LRRTM4: variants seen among roughly 807,000 people sequenced by gnomAD.
LRRTM4 encodes the protein leucine-rich repeat transmembrane neuronal protein 4.
A neutral mutation model predicts 47.6 loss-of-function variants in LRRTM4; 25 were observed. The observed-to-expected ratio is 0.53, with a 90% confidence interval of 0.38 to 0.73. LRRTM4 has a LOEUF of 0.73. LRRTM4 is among the 30% of genes least tolerant of loss of function. The probability of loss-of-function intolerance (pLI) is 0.00; values close to 1 mark genes in which losing one functional copy is unlikely to be tolerated. For synonymous variants in LRRTM4, 311 were observed against 269.5 expected (o/e 1.15, Z -1.51); for missense variants, 638 against 713.4 (o/e 0.89, Z 1.20).
chr2:76,975,156 A>T (rs912816154), intron 3 of LRRTM4, among the ~76,000 whole-genome samples: 17 of 151,774 alleles, frequency 1.1e-4, no homozygotes, highest in African/African-American at 3.9e-4. Flanking sequence ...AGTAAAGAGC[A>T]TATCACAGGC....
chr2:77,159,176 C>T (rs775427750), intron 3 of LRRTM4, among the ~76,000 whole-genome samples: 32 of 144,064 alleles, frequency 2.2e-4, no homozygotes, highest in Non-Finnish European at 4.6e-4. Context: ...GGTGATTTAG[C>T]GGTGCTAACT....
At chr2:77,069,942 G>T (rs1430751785) in intron 3 of LRRTM4, among the ~76,000 whole-genome samples, 1 of 152,098 alleles carries the variant, frequency 6.6e-6, no homozygotes, top group African/African-American at 2.4e-5. Flanking sequence ...ACATATTTCA[G>T]AAATACCCTC....
intron 3 of LRRTM4, among the ~76,000 whole-genome samples, chr2:77,478,893 CTTCT>C (rs928128446): frequency 5.3e-5 from 8 of 151,976 alleles, no homozygotes; most frequent in Admixed American, 3.9e-4. Flanking sequence ...TTTTTTTCTT[CTTCT>C]TTCTTTCTTT....
At chr2:77,042,347 G>A (rs1273742157) in intron 3 of LRRTM4, among the ~76,000 whole-genome samples, 1 of 151,576 alleles carries the variant, frequency 6.6e-6, no homozygotes, top group Admixed American at 6.6e-5. Context: ...TACAGTGAAG[G>A]ATTTATGGAA....
At chr2:76,837,400 G>A (rs1277776220) in intron 3 of LRRTM4, among the ~76,000 whole-genome samples, 1 of 151,834 alleles carries the variant, frequency 6.6e-6, no homozygotes, top group Non-Finnish European at 1.5e-5. Flanking sequence ...TCTGATCTTA[G>A]TTATTTCTTG....
intron 3 of LRRTM4, among the ~76,000 whole-genome samples, chr2:76,864,345 C>T (rs948629301): frequency 1.3e-5 from 2 of 151,992 alleles, no homozygotes; most frequent in South Asian, 2.1e-4. Context: ...ATTTAAAAAC[C>T]TTTTGTTAGG....
chr2:76,909,811 A>C (rs1327342240), intron 3 of LRRTM4, among the ~76,000 whole-genome samples: 2 of 152,214 alleles, frequency 1.3e-5, no homozygotes, highest in Non-Finnish European at 2.9e-5. Flanking sequence ...ATCTCACACC[A>C]GTTAGAATGG....
intron 3 of LRRTM4, among the ~76,000 whole-genome samples, chr2:77,027,847 A>G (rs1367346502): frequency 6.6e-6 from 1 of 152,150 alleles, no homozygotes; most frequent in Non-Finnish European, 1.5e-5. Context: ...TATATATTCA[A>G]TATCCAAAAG....
At chr2:77,089,405 TG>T (rs1381680514) in intron 3 of LRRTM4, among the ~76,000 whole-genome samples, 2 of 151,650 alleles carry the variant, frequency 1.3e-5, no homozygotes, top group African/African-American at 2.4e-5. Context: ...CTTATATCTC[TG>T]TGCCCCAATC....
chr2:76,998,217 T>A (rs1227073229), intron 3 of LRRTM4, among the ~76,000 whole-genome samples: 1 of 152,060 alleles, frequency 6.6e-6, no homozygotes, highest in Non-Finnish European at 1.5e-5. Flanking sequence ...GGACTGCTGA[T>A]CTATGGAGTA....
chr2:76,801,874 T>A (rs1187491190), intron 3 of LRRTM4, among the ~76,000 whole-genome samples: 1 of 152,070 alleles, frequency 6.6e-6, no homozygotes, highest in Non-Finnish European at 1.5e-5. Flanking sequence ...ACAAACACCA[T>A]AAGATCATCT....
rs563848373 is a variant in LRRTM4, at chr2:76,779,707, CTT to C, written c.1552-30793_1552-30792del. Among the ~76,000 whole-genome samples, 300 of 152,084 alleles carry C rather than the reference CTT, an allele frequency of 2.0e-3. 4 individuals are homozygous for C. The South Asian group carries it at 0.037, about 19-fold the overall frequency. On this transcript the variant is annotated intron_variant, in intron 3 of 3. Coordinates refer to ENST00000409884, the MANE Select transcript of LRRTM4 (RefSeq NM_001134745.3). ...TACAGCACACTGATGGGTCTTGACTCTTTATCCAATTTGCCAGTCTGTGTCTT... is the reference window on the plus strand; with the variant it reads ...TACAGCACACTGATGGGTCTTGACTCTATCCAATTTGCCAGTCTGTGTCTT...
chr2:77,362,170 A>AAAGAAGGAAAGAAAGAAAGG (rs1282143102), intron 3 of LRRTM4, among the ~76,000 whole-genome samples: 1 of 133,544 alleles, frequency 7.5e-6, no homozygotes, highest in Admixed American at 7.4e-5. Flanking sequence ...AGAAAGAAAG[A>AAAGAAGGAAAGAAAGAAAGG]AAGGAAGGAA....
At chr2:77,238,535 C>T (rs1447602707) in intron 3 of LRRTM4, among the ~76,000 whole-genome samples, 1 of 146,578 alleles carries the variant, frequency 6.8e-6, no homozygotes, top group African/African-American at 2.7e-5. Context: ...CCTCAAACCA[C>T]ACTAGCAGGC....
At chr2:77,323,348 G>T (rs1388082474) in intron 3 of LRRTM4, among the ~76,000 whole-genome samples, 2 of 152,122 alleles carry the variant, frequency 1.3e-5, no homozygotes, top group Non-Finnish European at 2.9e-5. Flanking sequence ...TCTAGCCTTT[G>T]CATTAAGCTG....
chr2:77,300,006 C>T (rs1677088530), intron 3 of LRRTM4, among the ~76,000 whole-genome samples: 3 of 151,966 alleles, frequency 2.0e-5, no homozygotes, highest in African/African-American at 7.3e-5. Flanking sequence ...CATGCGCCAC[C>T]ACGCCCAGCT....
chr2:76,843,568 A>ATTC (rs1671750336), intron 3 of LRRTM4, among the ~76,000 whole-genome samples: 1 of 152,200 alleles, frequency 6.6e-6, no homozygotes, highest in Non-Finnish European at 1.5e-5. Context: ...TAATAACAAT[A>ATTC]AATTATTTTT....
chr2:76,973,018 CAAAT>C (rs1676274963), intron 3 of LRRTM4, among the ~76,000 whole-genome samples: 2 of 151,780 alleles, frequency 1.3e-5, no homozygotes, highest in African/African-American at 4.8e-5. Context: ...ACCATTTAAC[CAAAT>C]AAATATGGGA....
At chr2:77,068,122 T>C (rs966442141) in intron 3 of LRRTM4, among the ~76,000 whole-genome samples, 2 of 152,128 alleles carry the variant, frequency 1.3e-5, no homozygotes, top group Admixed American at 1.3e-4. Context: ...TTCATAAATA[T>C]AGAGACTGGT....
Sources: gnomAD v4.1 joint callset for allele counts (sites outside exome capture counted in the v4.1 genomes callset) on GRCh38, gnomAD v4.1.1 for gene constraint, MANE v1.5 for transcripts, NCBI Gene and HGNC (gene_info 2026-07-23, HGNC 2026-07-21) for gene names.